OSBPL3: variants seen among roughly 807,000 people sequenced by gnomAD.
The protein encoded by OSBPL3 is oxysterol binding protein like 3, also known as oxysterol-binding protein-related protein 3.
In OSBPL3, 65 loss-of-function variants were observed where a neutral mutation model predicts 120.1. That is an observed-to-expected ratio of 0.54 (90% CI 0.44 to 0.67). OSBPL3 has a LOEUF of 0.67. Among genes scored for constraint, OSBPL3 ranks in the 30% least tolerant of loss-of-function variants. The pLI is 0.00. For synonymous variants in OSBPL3, 416 were observed against 402.6 expected, an observed-to-expected ratio of 1.03 and a Z score of -0.40; for missense variants, 1,004 against 1,082.1, an observed-to-expected ratio of 0.93 and a Z score of 1.01.
At chr7:24,848,949 G>A in intron 12 of OSBPL3, 120 bp downstream of exon 12, 1 of 678,000 alleles carries the variant, frequency 1.5e-6, no homozygotes. Flanking sequence ...CCCAGAGGAG[G>A]AGGGCAGAGA....
At chr7:24,832,509 C>CAAAAAAA (rs1191532612) in intron 15 of OSBPL3, among the ~76,000 whole-genome samples, 8 of 96,676 alleles carry the variant, frequency 8.3e-5, no homozygotes, top group South Asian at 3.5e-4. Flanking sequence ...GACTCTGCCT[C>CAAAAAAA]AAAGAAAAAA....
rs1249304939 is a variant in OSBPL3 at position 24,806,477 on chromosome 7, T to G, written c.2444+299A>C. Among the ~76,000 whole-genome samples, 1 of 152,228 alleles carries G rather than the reference T, an allele frequency of 6.6e-6. No homozygotes were observed. Among genetic ancestry groups the G allele is most frequent in the African/African-American group, 2.4e-5 (1 of 41,466 alleles). On this transcript the variant is annotated intron_variant, in intron 21 of 22. Coordinates refer to ENST00000313367, the MANE Select transcript of OSBPL3 (RefSeq NM_015550.4). The surrounding 1 kb of genome is among the most constrained non-coding windows in gnomAD (Gnocchi z 5.2). ...GGCTCGGGGAGCTGGAGGTTTTAAC[T>G]TACTTACTTTACACTAAGTTCTTTA... is the stretch of plus-strand genomic sequence containing the variant.
In OSBPL3 at chr7:24,871,903, G is replaced by A. The variant is rs1207228432; in HGVS notation, c.213+50C>T. On this transcript the variant is annotated intron_variant, in intron 3 of 22. Coordinates refer to ENST00000313367, the MANE Select transcript of OSBPL3 (RefSeq NM_015550.4). This position sits in a 1 kb window ranked among gnomAD's most constrained non-coding sequence, Gnocchi z 4.8. The stretch of plus-strand genomic sequence containing the variant: ...TATGAGTACCTAAGAACCAGGTGCT[G>A]AGTGGGGCAGTGTGAGTGCAAATAA... 1.4e-6 allele frequency: 2 copies of A among 1,469,972 alleles called. No individual in the cohort carries two copies. Among genetic ancestry groups the A allele is most frequent in the African/African-American group, 1.4e-5 (1 of 72,208 alleles). 91.1% of individuals were successfully genotyped at this position (1,469,972 alleles called of 1,614,324 possible).
intron 1 of OSBPL3, among the ~76,000 whole-genome samples, chr7:24,928,188 C>CTTT (rs1413408297): frequency 8.3e-6 from 1 of 120,744 alleles, no homozygotes; most frequent in Non-Finnish European, 1.7e-5. Flanking sequence ...TTAAACCTTC[C>CTTT]TTTTTGTTTT....
chr7:24,813,964 G>C lies in OSBPL3; in HGVS notation c.2172+1095C>G, dbSNP rs1413719060. Among the ~76,000 whole-genome samples the C allele has an allele frequency of 6.6e-6, 1 of 152,124 alleles. No individual in the cohort carries two copies. Among genetic ancestry groups the C allele is most frequent in the Non-Finnish European group, 1.5e-5 (1 of 68,022 alleles). ...TCATGTGTGCCAGACACCATTGCAG[G>C]AATCAGGGCTACAGAAGTGAGCAAG... On this transcript the variant is annotated intron_variant, in intron 19 of 22. Transcript: ENST00000313367. This position sits in a 1 kb window ranked among gnomAD's most constrained non-coding sequence, Gnocchi z 4.5.
rs539064429 is a variant in OSBPL3 at position 24,796,930 on chromosome 7, T to C, written c.*3253A>G. On this transcript the variant is annotated 3_prime_UTR_variant, in exon 23 of 23. Transcript: ENST00000313367. The surrounding 1 kb of genome is among the most constrained non-coding windows in gnomAD (Gnocchi z 5.2). The stretch of plus-strand genomic sequence containing the variant: ...AATAGCTATCATCTGGTAGCAAAAA[T>C]AGATTTATGCCGGTGTTAATATCAA... The C allele has an allele frequency of 7.2e-5, 11 of 152,266 alleles. No homozygotes were observed. The South Asian group carries it at 1.2e-3, about 17-fold the overall frequency. 9.4% of individuals were successfully genotyped at this position (152,266 alleles called of 1,614,324 possible).
chr7:24,924,989 T>G (rs909483823), intron 1 of OSBPL3, among the ~76,000 whole-genome samples: 1 of 152,222 alleles, frequency 6.6e-6, no homozygotes, highest in Non-Finnish European at 1.5e-5. Flanking sequence ...GGAGAAGGCA[T>G]AGCAATTCAT....
rs1280682667 is a variant in OSBPL3 at position 24,966,212 on chromosome 7, C to T, written c.-150+13674G>A. On this transcript the variant is annotated intron_variant, in intron 1 of 22. Coordinates refer to ENST00000313367, the MANE Select transcript of OSBPL3 (RefSeq NM_015550.4). The surrounding 1 kb of genome is among the most constrained non-coding windows in gnomAD (Gnocchi z 4.8). ...GAAGTTCTTAGCCGCGAAGAGAAAT[C>T]CAGCACCTGCGGAGACCACACACTG... Among the ~76,000 whole-genome samples, 1 of 152,214 alleles carries T rather than the reference C, an allele frequency of 6.6e-6. No individual in the cohort carries two copies. Among genetic ancestry groups the T allele is most frequent in the Non-Finnish European group, 1.5e-5 (1 of 68,036 alleles).
At chr7:24,812,638 C>A (rs1037848688) in intron 19 of OSBPL3, among the ~76,000 whole-genome samples, 2 of 151,986 alleles carry the variant, frequency 1.3e-5, no homozygotes, top group Non-Finnish European at 2.9e-5. Context: ...CTCCATAAAT[C>A]AAAAAACCCT....
At position 24,869,565 on chromosome 7, in the gene OSBPL3, C is replaced by A. The variant is rs189957243; in HGVS notation, c.381+1167G>T. ...TTGTTGTCATAACTGGAGAAGGATG[C>A]CACTGGCATCTAGAGAGAGGGCAGG... On this transcript the variant is annotated intron_variant, in intron 5 of 22. Coordinates refer to ENST00000313367, the MANE Select transcript of OSBPL3 (RefSeq NM_015550.4). Among the ~76,000 whole-genome samples the A allele has an allele frequency of 1.2e-4, 18 of 152,312 alleles. No individual in the cohort carries two copies. The East Asian group carries it at 1.9e-3, about 16-fold the overall frequency.
At chr7:24,842,608 C>T (rs1424230291) in intron 12 of OSBPL3, among the ~76,000 whole-genome samples, 195 bp from the exon 13 acceptor site, 1 of 152,218 alleles carries the variant, frequency 6.6e-6, no homozygotes, top group Non-Finnish European at 1.5e-5. Flanking sequence ...GGGCACCTCA[C>T]TTACAGGCAC....
chr7:24,820,272 G>A lies in OSBPL3; in HGVS notation c.1885-34C>T, dbSNP rs766633736. The A allele has an allele frequency of 1.3e-6, 2 of 1,510,292 alleles. No homozygotes were observed. Among genetic ancestry groups the A allele is most frequent in the Non-Finnish European group, 1.8e-6 (2 of 1,090,186 alleles). The allele number at this position is 1,510,292 out of a possible 1,614,324, so 93.6% of individuals were successfully genotyped here. A position where few individuals can be genotyped will look rare whatever the true frequency, so the allele number is the denominator to read the frequency against. ...AACAAAGGACAGAAAAACAAAAAAT[G>A]AATGAACTTTTGTGTCTCATGAAAT... is the stretch of plus-strand genomic sequence containing the variant. On this transcript the variant is annotated intron_variant, in intron 16 of 22. Transcript: ENST00000313367. The surrounding 1 kb of genome is among the most constrained non-coding windows in gnomAD (Gnocchi z 4.6).
At chr7:24,861,503 A>C in intron 10 of OSBPL3, 110 bp downstream of exon 10, 2 of 662,016 alleles carry the variant, frequency 3.0e-6, no homozygotes, top group Non-Finnish European at 4.9e-6. Context: ...CTAAATCTTA[A>C]TAGAGCAGAA....
In OSBPL3 at chr7:24,809,877, C is replaced by T. The variant is rs1305160022; in HGVS notation, c.2247G>A (p.Arg749=). 3.1e-6 allele frequency: 5 copies of T among 1,614,176 alleles called. No homozygotes were observed. The South Asian group carries it at 5.5e-5, about 18-fold the overall frequency. The change falls in exon 20 of 23, where the codon CGG becomes CGA. Residue 749 remains arginine (R), a synonymous_variant. Transcript: ENST00000313367. The part of the protein sequence containing the change: ...VFDRSGKAVH[R]LFGKWHESIY... ...TGCTTTCATGCCATTTCCCAAACAG[C>T]CGATGAACCGCTTTTCCACTCCTGT...
rs778884796 is a variant in OSBPL3 at position 24,881,772 on chromosome 7, CAA to C, written c.97-9705_97-9704del. Reference sequence around the variant, plus strand: ...GTTCTGGAGGCCAGAGGTCCAAAATCAAAGTGTTGGCAGGTCCACGCTCCCTC... The same window carrying C: ...GTTCTGGAGGCCAGAGGTCCAAAATCAGTGTTGGCAGGTCCACGCTCCCTC... On this transcript the variant is annotated intron_variant, in intron 2 of 22. Transcript: ENST00000313367. The surrounding 1 kb of genome is among the most constrained non-coding windows in gnomAD (Gnocchi z 4.3). 4.6e-5 allele frequency among the ~76,000 whole-genome samples: 7 copies of C among 152,144 alleles called. No homozygotes were observed. Among genetic ancestry groups the C allele is most frequent in the Non-Finnish European group, 8.8e-5 (6 of 68,020 alleles).
intron 1 of OSBPL3, among the ~76,000 whole-genome samples, chr7:24,929,612 T>C (rs1433584196): frequency 6.6e-6 from 1 of 151,546 alleles, no homozygotes; most frequent in African/African-American, 2.4e-5. Context: ...ACTTTTTTTT[T>C]AAGGAATAAG....
In OSBPL3 at chr7:24,930,786, C is replaced by T. The variant is rs1811695756; in HGVS notation, c.-149-38165G>A. Among the ~76,000 whole-genome samples, 1 of 152,086 alleles carries T rather than the reference C, an allele frequency of 6.6e-6. No individual in the cohort carries two copies. The highest frequency in any genetic ancestry group is 2.4e-5 in the African/African-American group (1 of 41,402). On this transcript the variant is annotated intron_variant, in intron 1 of 22. Transcript: ENST00000313367. The surrounding 1 kb of genome is among the most constrained non-coding windows in gnomAD (Gnocchi z 4.4). ...GTGGAGTCTTTAAGGGTTTAAGAAC[C>T]TAGGTTGAGGTGAAGGATTTCTGAT...
chr7:24,870,874 G>T, intron 4 of OSBPL3, 29 bp from the exon 5 acceptor site: 1 of 1,411,258 alleles, frequency 7.1e-7, no homozygotes, highest in Non-Finnish European at 1.0e-6. Context: ...GGTCACTTGG[G>T]GACCATGGTG....
chr7:24,886,494 G>A (rs1361901108), intron 2 of OSBPL3, among the ~76,000 whole-genome samples: 3 of 152,164 alleles, frequency 2.0e-5, no homozygotes, highest in Non-Finnish European at 2.9e-5. Flanking sequence ...AAGAATCTGT[G>A]GGCTTTTTGC....
Sources: gnomAD v4.1 joint callset for allele counts (sites outside exome capture counted in the v4.1 genomes callset) on GRCh38, gnomAD v4.1.1 for gene constraint, Gnocchi (gnomAD v3.1) non-coding constraint, MANE v1.5 for transcripts, NCBI Gene and HGNC (gene_info 2026-07-23, HGNC 2026-07-21) for gene names.